GRID2: variants seen among roughly 807,000 people sequenced by gnomAD.
GRID2 encodes the protein glutamate ionotropic receptor delta type subunit 2.
Under a neutral mutation model 114.8 loss-of-function variants are expected in GRID2, and 33 were observed. The ratio of observed to expected loss-of-function variants is 0.29; its 90% CI spans 0.22 to 0.38. GRID2 has a LOEUF of 0.38. Among genes scored for constraint, GRID2 ranks in the 10% least tolerant of loss-of-function variants. The pLI, the probability that GRID2 is intolerant of heterozygous loss-of-function variation, is 1.00. For missense variants in GRID2, 1,184 were observed against 1,257.7 expected (o/e 0.94, Z 0.89); for synonymous variants, 505 against 449.9 (o/e 1.12, Z -1.55).
intron 1 of GRID2, among the ~76,000 whole-genome samples, chr4:92,444,400 TG>T (rs147478949): frequency 0.14 from 21,478 of 148,354 alleles, 1,838 homozygotes; most frequent in South Asian, 0.22. Context: ...CGGGCAGGAG[TG>T]GGGGTCACAA....
intron 14 of GRID2, among the ~76,000 whole-genome samples, chr4:93,685,945 TAC>T (rs1560905884): frequency 6.6e-6 from 1 of 152,050 alleles, no homozygotes; most frequent in African/African-American, 2.4e-5. Flanking sequence ...GGCTGTGAGA[TAC>T]AGTGTCTGAC....
At chr4:92,834,306 C>T (rs1305628091) in intron 2 of GRID2, among the ~76,000 whole-genome samples, 1 of 152,028 alleles carries the variant, frequency 6.6e-6, no homozygotes, top group Non-Finnish European at 1.5e-5. Context: ...CATTTCATAT[C>T]TCAGGCAAAG....
intron 14 of GRID2, among the ~76,000 whole-genome samples, chr4:93,748,928 A>T (rs1355327927): frequency 6.6e-6 from 1 of 152,208 alleles, no homozygotes; most frequent in Non-Finnish European, 1.5e-5. Context: ...CTACCAAGTA[A>T]TAAATGTTAA....
At chr4:93,800,128 G>A (rs867023061) in intron 1 of GRID2, among the ~76,000 whole-genome samples, 3 of 152,148 alleles carry the variant, frequency 2.0e-5, no homozygotes, top group South Asian at 2.1e-4. Flanking sequence ...TGACGATAAC[G>A]CCTCACAGGA....
chr4:93,752,563 G>T (rs1013600915), intron 14 of GRID2, among the ~76,000 whole-genome samples: 19 of 152,156 alleles, frequency 1.2e-4, no homozygotes, highest in African/African-American at 4.6e-4. Flanking sequence ...GTAGAGACAG[G>T]GTTTCACTGT....
intron 2 of GRID2, among the ~76,000 whole-genome samples, chr4:92,886,266 A>G (rs1746361144): frequency 6.6e-6 from 1 of 152,188 alleles, no homozygotes; most frequent in African/African-American, 2.4e-5. Flanking sequence ...TGATATTACA[A>G]TAGTAATATC....
chr4:92,416,886 G>A (rs996088440), intron 1 of GRID2, among the ~76,000 whole-genome samples: 10 of 151,786 alleles, frequency 6.6e-5, no homozygotes, highest in African/African-American at 2.4e-4. Flanking sequence ...AGCTATGCAT[G>A]GTATTTTTTG....
intron 14 of GRID2, among the ~76,000 whole-genome samples, chr4:93,690,761 T>A (rs1726483251): frequency 6.6e-6 from 1 of 151,712 alleles, no homozygotes; most frequent in South Asian, 2.1e-4. Flanking sequence ...TAGTGCATTA[T>A]ACTGGAATGA....
At chr4:92,949,704 T>C (rs1453514012) in intron 2 of GRID2, among the ~76,000 whole-genome samples, 3 of 151,730 alleles carry the variant, frequency 2.0e-5, no homozygotes, top group Non-Finnish European at 4.4e-5. Flanking sequence ...AGGTCAAATA[T>C]CTCAGTGTAG....
At chr4:93,684,784 CTT>C (rs1221793738) in intron 14 of GRID2, among the ~76,000 whole-genome samples, 1 of 151,998 alleles carries the variant, frequency 6.6e-6, no homozygotes, top group Non-Finnish European at 1.5e-5. Context: ...GCTAAACTGA[CTT>C]AGCACAGTTC....
intron 1 of GRID2, among the ~76,000 whole-genome samples, chr4:92,552,885 A>G (rs1726665281): frequency 1.3e-5 from 2 of 152,218 alleles, no homozygotes; most frequent in Non-Finnish European, 2.9e-5. Flanking sequence ...GCATAGCTGA[A>G]CAATTCCAGT....
At chr4:92,744,728 G>T (rs151277393) in intron 2 of GRID2, among the ~76,000 whole-genome samples, 1 of 151,930 alleles carries the variant, frequency 6.6e-6, no homozygotes, top group Non-Finnish European at 1.5e-5. Context: ...CAAGGCAAAT[G>T]CTCCAGTTCC....
At chr4:93,196,349 A>T (rs1375620399) in intron 4 of GRID2, among the ~76,000 whole-genome samples, 8 of 152,304 alleles carry the variant, frequency 5.3e-5, no homozygotes, top group African/African-American at 1.9e-4. Flanking sequence ...GCTTAGGAAG[A>T]CGGACATGGA....
At chr4:93,480,153 T>G (rs1212327909) in intron 11 of GRID2, among the ~76,000 whole-genome samples, 3 of 152,046 alleles carry the variant, frequency 2.0e-5, no homozygotes, top group Admixed American at 2.0e-4. Context: ...AGGAGAATAC[T>G]TAAATAAGCT....
rs776132975 is a variant in GRID2, at chr4:93,455,960, C to A, written c.1844C>A (p.Ser615Tyr). ...LYNSMWFVYG[S>Y]FVQQGGEVPY... The stretch of plus-strand genomic sequence containing the variant: ...AACTCCATGTGGTTTGTGTATGGAT[C>A]TTTTGTACAACAAGGTAAGGAGCAA... The change falls in exon 11 of 16, where the codon TCT becomes TAT. Residue 615 changes from serine (S) to tyrosine (Y), a missense_variant. By Grantham distance (144) the Ser-to-Tyr change is moderately radical. This residue lies in a region of GRID2 where 717 missense variants were observed against 796.9 expected (regional missense o/e 0.90). Coordinates refer to ENST00000282020, the MANE Select transcript of GRID2 (RefSeq NM_001510.4). The A allele has an allele frequency of 6.3e-7, 1 of 1,590,938 alleles. No homozygotes were observed. Among genetic ancestry groups the A allele is most frequent in the East Asian group, 2.2e-5 (1 of 44,738 alleles).
chr4:93,230,840 A>G (rs1746046706), intron 7 of GRID2, among the ~76,000 whole-genome samples: 1 of 152,126 alleles, frequency 6.6e-6, no homozygotes, highest in African/African-American at 2.4e-5. Context: ...AAGTTTTAAT[A>G]TGGCTTGTTT....
chr4:93,371,772 G>A (rs138483724), intron 8 of GRID2, among the ~76,000 whole-genome samples: 4 of 125,176 alleles, frequency 3.2e-5, no homozygotes, highest in Non-Finnish European at 4.8e-5. Flanking sequence ...TTTGGAGATG[G>A]AGTCTTGCTG....
At chr4:92,382,608 A>G (rs1387295614) in intron 1 of GRID2, among the ~76,000 whole-genome samples, 1 of 152,084 alleles carries the variant, frequency 6.6e-6, no homozygotes, top group Non-Finnish European at 1.5e-5. Context: ...AAATAAAGTT[A>G]ATAGAATGAG....
chr4:93,540,087 T>C (rs1235679924), intron 13 of GRID2, among the ~76,000 whole-genome samples: 2 of 152,054 alleles, frequency 1.3e-5, no homozygotes, highest in Non-Finnish European at 2.9e-5. Context: ...AATTATTCAA[T>C]ATTTGTGTGA....
Sources: allele counts gnomAD v4.1 joint callset (sites outside exome capture counted in the v4.1 genomes callset), GRCh38; gene constraint gnomAD v4.1.1; regional missense constraint gnomAD v4.1.1; transcripts MANE v1.5; gene names NCBI Gene and HGNC (gene_info 2026-07-23, HGNC 2026-07-21).